Variants in CAPN14 observed in about 807,000 individuals in gnomAD.
CAPN14 encodes the protein calpain-14.
In CAPN14, 94 loss-of-function variants were observed where a neutral mutation model predicts 101.3. The ratio of observed to expected loss-of-function variants is 0.93; its 90% CI spans 0.79 to 1.10. The LOEUF (loss-of-function observed/expected upper bound fraction) is 1.10, where lower values mean the gene tolerates loss of function less well. Among genes scored for constraint, CAPN14 ranks in the 50% least tolerant of loss-of-function variants. The pLI is 0.00. For synonymous variants in CAPN14, 338 were observed against 317.9 expected, an observed-to-expected ratio of 1.06 and a Z score of -0.67; for missense variants, 837 against 828.4, an observed-to-expected ratio of 1.01 and a Z score of -0.13.
chr2:31,188,337 G>A lies in CAPN14; in HGVS notation c.1511C>T (p.Ser504Phe). ...ACTCACCTTTGAGAAGACGACACCA[G>A]AATTGCTGCCAATTTCACTGAGAAC... ...KHIFYEIGSN[S>F]GVVFSKEIED... The change falls in exon 14 of 22, where the codon TCT becomes TTT. Residue 504 changes from serine to phenylalanine, a missense_variant. Physicochemically the swap from Ser to Phe is radical, Grantham distance 155. Coordinates refer to ENST00000403897, the MANE Select transcript of CAPN14 (RefSeq NM_001145122.2). 1 of 1,551,582 alleles carries A rather than the reference G, an allele frequency of 6.4e-7. No homozygotes were observed. Among genetic ancestry groups the A allele is most frequent in the Non-Finnish European group, 8.7e-7 (1 of 1,146,934 alleles).
intron 16 of CAPN14, among the ~76,000 whole-genome samples, chr2:31,186,209 A>T (rs1680892560): frequency 6.6e-6 from 1 of 152,228 alleles, no homozygotes; most frequent in Admixed American, 6.5e-5. Flanking sequence ...ATGTATGTCT[A>T]TACCCAAAGT....
chr2:31,233,239 T>C (rs1311205684), intron 1 of CAPN14, among the ~76,000 whole-genome samples: 1 of 152,202 alleles, frequency 6.6e-6, no homozygotes, highest in Non-Finnish European at 1.5e-5. Context: ...CCTTTCATGC[T>C]TGGCCTCCCT....
intron 2 of CAPN14, among the ~76,000 whole-genome samples, chr2:31,224,648 AAAAC>A (rs1394232847): frequency 2.6e-5 from 4 of 152,088 alleles, no homozygotes; most frequent in African/African-American, 9.7e-5. Context: ...TGTAAGTAGA[AAAAC>A]AAAGAATAAA....
chr2:31,194,276 C>T, intron 9 of CAPN14, 133 bp downstream of exon 9: 1 of 668,290 alleles, frequency 1.5e-6, no homozygotes, highest in Non-Finnish European at 2.7e-6. Flanking sequence ...AGACCGTGAG[C>T]TCCTAAAGGG....
At position 31,233,470 on chromosome 2, in the gene CAPN14, A is replaced by G. The variant is rs190649453; in HGVS notation, c.-177+321T>C. 4.5e-3 allele frequency among the ~76,000 whole-genome samples: 678 copies of G among 152,182 alleles called. 11 individuals carry two copies. Among genetic ancestry groups the G allele is most frequent in the South Asian group, 0.021 (99 of 4,818 alleles). On this transcript the variant is annotated intron_variant and NMD_transcript_variant, in intron 1 of 21. Transcript: ENST00000398824. ...AGTGACTCCTCCCTGTATTCCCATG[A>G]CCCTCTGCTCATGCCTCCTCTTTAA...
chr2:31,206,040 T>A (rs1360689433), intron 1 of CAPN14, among the ~76,000 whole-genome samples: 2 of 146,272 alleles, frequency 1.4e-5, no homozygotes, highest in East Asian at 4.0e-4. Flanking sequence ...ATTTATTTAT[T>A]TTTTTTTTTT....
intron 7 of CAPN14, 121 bp from the exon 8 acceptor site, chr2:31,197,455 T>C: frequency 1.5e-6 from 1 of 661,200 alleles, no homozygotes; most frequent in Non-Finnish European, 2.7e-6. Flanking sequence ...CAGAGAGAGC[T>C]GGTAGAGGAG....
upstream of CAPN14, among the ~76,000 whole-genome samples, chr2:31,220,982 T>C (rs768383262): frequency 1.3e-5 from 2 of 152,190 alleles, 1 homozygote; most frequent in Admixed American, 1.3e-4. Context: ...TTTCAAGCAT[T>C]AGAAATTTAT....
At chr2:31,218,614 C>T (rs554546200), upstream of CAPN14, among the ~76,000 whole-genome samples, 15 of 152,328 alleles carry the variant, frequency 9.8e-5, no homozygotes, top group African/African-American at 3.6e-4. Flanking sequence ...AAGCACATTG[C>T]ATGCAGAATC....
At chr2:31,176,699 A>C in intron 20 of CAPN14, 57 bp from the exon 21 acceptor site, 1 of 1,432,972 alleles carries the variant, frequency 7.0e-7, no homozygotes, top group East Asian at 2.5e-5. Context: ...AACATTATGA[A>C]TTAGTTCCTC....
chr2:31,201,112 C>CATGTGT (rs1681739574), intron 5 of CAPN14, among the ~76,000 whole-genome samples: 1 of 128,570 alleles, frequency 7.8e-6, no homozygotes, highest in East Asian at 2.3e-4. Flanking sequence ...TGTGCATGTG[C>CATGTGT]GTGTGTGTGC....
chr2:31,184,364 T>A (rs1380055312), intron 16 of CAPN14, among the ~76,000 whole-genome samples: 1 of 152,204 alleles, frequency 6.6e-6, no homozygotes, highest in Non-Finnish European at 1.5e-5. Flanking sequence ...CTTCTTTGAC[T>A]TTTGCTTTCC....
chr2:31,177,254 C>A, intron 19 of CAPN14, 112 bp from the exon 20 acceptor site: 1 of 646,360 alleles, frequency 1.5e-6, no homozygotes, highest in Non-Finnish European at 2.7e-6. Context: ...ATCCTGATAG[C>A]ATGGAAATCT....
At chr2:31,192,787 G>T (rs1681258448) in intron 10 of CAPN14, among the ~76,000 whole-genome samples, 1 of 152,214 alleles carries the variant, frequency 6.6e-6, no homozygotes, top group Admixed American at 6.5e-5. Context: ...TGTTTTCAGT[G>T]GTCTTGTCCT....
intron 1 of CAPN14, among the ~76,000 whole-genome samples, chr2:31,207,373 G>A (rs1682154886): frequency 6.6e-6 from 1 of 152,092 alleles, no homozygotes; most frequent in Non-Finnish European, 1.5e-5. Context: ...ACTAGTGAAG[G>A]GCCTATGTTC....
chr2:31,224,987 T>C (rs1164931307), intron 2 of CAPN14, among the ~76,000 whole-genome samples: 1 of 152,046 alleles, frequency 6.6e-6, no homozygotes, highest in African/African-American at 2.4e-5. Context: ...GAGATCCCAA[T>C]GATTCGGTTT....
At chr2:31,214,800 T>A (rs1682561645) in intron 1 of CAPN14, among the ~76,000 whole-genome samples, 1 of 152,306 alleles carries the variant, frequency 6.6e-6, no homozygotes, top group South Asian at 2.1e-4. Context: ...CAAAGGAACA[T>A]CCGCTCGGCC....
intron 5 of CAPN14, among the ~76,000 whole-genome samples, chr2:31,201,093 A>ATG (rs1451506555): frequency 6.7e-6 from 1 of 148,150 alleles, no homozygotes; most frequent in South Asian, 2.2e-4. Flanking sequence ...GCATGTGTGC[A>ATG]TGTGTGTGTG....
intron 16 of CAPN14, 21 bp from the exon 17 acceptor site, chr2:31,181,021 C>T (rs766475493): frequency 6.5e-7 from 1 of 1,550,064 alleles, no homozygotes. Flanking sequence ...GCGAAAGAGT[C>T]CACATGGGGG....
Sources: allele counts gnomAD v4.1 joint callset (sites outside exome capture counted in the v4.1 genomes callset), GRCh38; gene constraint gnomAD v4.1.1; transcripts MANE v1.5; gene names NCBI Gene and HGNC (gene_info 2026-07-23, HGNC 2026-07-21).